The following UNC5D variants were observed in gnomAD, a reference collection of about 807,000 sequenced individuals.
UNC5D encodes the protein netrin receptor UNC5D.
UNC5D carries 39 observed loss-of-function variants against 105.4 expected under a neutral mutation model. The observed-to-expected ratio is 0.37, with a 90% confidence interval of 0.29 to 0.48. The LOEUF (loss-of-function observed/expected upper bound fraction) is 0.48. Ranked by LOEUF, UNC5D falls within the 20% of genes least tolerant of loss-of-function variation. The pLI is 0.98. For synonymous variants in UNC5D, 452 were observed against 450.4 expected (o/e 1.00, Z -0.04); for missense variants, 991 against 1,202.4 (o/e 0.82, Z 2.60).
At chr8:35,495,178 G>A (rs1811469413) in intron 1 of UNC5D, among the ~76,000 whole-genome samples, 1 of 152,124 alleles carries the variant, frequency 6.6e-6, no homozygotes, top group Non-Finnish European at 1.5e-5. Context: ...GAGAGAGACC[G>A]AGGACTCCGT....
In UNC5D at chr8:35,237,951, C is replaced by T. The variant is rs997623734; in HGVS notation, c.103+2064C>T. On this transcript the variant is annotated intron_variant, in intron 1 of 16. Transcript: ENST00000404895. ...AAGTTCTCCCTTCCCAGAAAGGTGT[C>T]CATTCATTAAAACCAAGATAAGATG... 5.3e-5 allele frequency among the ~76,000 whole-genome samples: 8 copies of T among 152,120 alleles called. 1 individual carries two copies. The highest frequency in any genetic ancestry group is 2.1e-4 in the South Asian group (1 of 4,826).
chr8:35,735,990 ATC>A (rs1201265200), intron 11 of UNC5D, among the ~76,000 whole-genome samples: 5 of 152,150 alleles, frequency 3.3e-5, no homozygotes, highest in Non-Finnish European at 7.3e-5. Flanking sequence ...TATGATATGA[ATC>A]TGTTTGTAGT....
chr8:35,354,650 G>C (rs2128912713), intron 1 of UNC5D, among the ~76,000 whole-genome samples: 1 of 152,218 alleles, frequency 6.6e-6, no homozygotes, highest in South Asian at 2.1e-4. Context: ...CTCTAAAAAA[G>C]TGGCCTGGTT....
chr8:35,314,521 T>G (rs1809136004), intron 1 of UNC5D, among the ~76,000 whole-genome samples: 1 of 152,016 alleles, frequency 6.6e-6, no homozygotes, highest in Non-Finnish European at 1.5e-5. Flanking sequence ...GAAAAGCAAT[T>G]AGTAGGAATA....
intron 1 of UNC5D, among the ~76,000 whole-genome samples, chr8:35,268,730 C>T (rs1805063957): frequency 1.3e-5 from 2 of 152,022 alleles, no homozygotes; most frequent in South Asian, 4.2e-4. Context: ...AAATATATTG[C>T]TTATTAACTC....
chr8:35,396,592 G>A (rs1804116642), intron 1 of UNC5D, among the ~76,000 whole-genome samples: 2 of 152,148 alleles, frequency 1.3e-5, no homozygotes, highest in South Asian at 4.2e-4. Flanking sequence ...GTGTCTCCTG[G>A]GTTCAAGTGA....
At chr8:35,301,068 AG>A (rs1293417273) in intron 1 of UNC5D, among the ~76,000 whole-genome samples, 4 of 152,210 alleles carry the variant, frequency 2.6e-5, no homozygotes, top group African/African-American at 9.6e-5. Flanking sequence ...CCTTGCTCGT[AG>A]ATCTTGGTTT....
chr8:35,655,003 A>T (rs981149580), intron 4 of UNC5D, among the ~76,000 whole-genome samples: 1 of 152,194 alleles, frequency 6.6e-6, no homozygotes, highest in Non-Finnish European at 1.5e-5. Flanking sequence ...TACAGAATGT[A>T]CTAGGACATT....
chr8:35,470,601 CA>C (rs143876201), intron 1 of UNC5D, among the ~76,000 whole-genome samples: 5,324 of 119,738 alleles, frequency 0.044, 224 homozygotes, highest in African/African-American at 0.13. Context: ...ACAAAAAATG[CA>C]AAAAAAAAAA....
intron 3 of UNC5D, among the ~76,000 whole-genome samples, chr8:35,586,420 T>C (rs1008893272): frequency 1.3e-5 from 2 of 151,988 alleles, no homozygotes; most frequent in African/African-American, 4.8e-5. Context: ...TTATGTGCCT[T>C]CCCTCGGGAA....
chr8:35,614,110 T>C (rs767158882), intron 4 of UNC5D, among the ~76,000 whole-genome samples: 2 of 152,198 alleles, frequency 1.3e-5, no homozygotes, highest in Non-Finnish European at 1.5e-5. Context: ...TTGCCTGCTG[T>C]TTTAATAATT....
intron 3 of UNC5D, among the ~76,000 whole-genome samples, chr8:35,575,591 G>T (rs999833883): frequency 1.3e-5 from 2 of 152,086 alleles, no homozygotes; most frequent in Non-Finnish European, 2.9e-5. Context: ...TACCTCCACT[G>T]CTCCCTTCCT....
At chr8:35,441,085 G>C (rs1409658415) in intron 1 of UNC5D, among the ~76,000 whole-genome samples, 1 of 151,888 alleles carries the variant, frequency 6.6e-6, no homozygotes, top group Non-Finnish European at 1.5e-5. Flanking sequence ...TGAACATTTG[G>C]TTTTCTTATA....
At chr8:35,738,139 T>C (rs1829569910) in intron 11 of UNC5D, among the ~76,000 whole-genome samples, 1 of 152,020 alleles carries the variant, frequency 6.6e-6, no homozygotes. Context: ...TTCTCAGAAA[T>C]GACATAGCAT....
At chr8:35,585,272 C>T (rs758600718) in intron 3 of UNC5D, among the ~76,000 whole-genome samples, 2 of 152,140 alleles carry the variant, frequency 1.3e-5, no homozygotes, top group East Asian at 1.9e-4. Flanking sequence ...CTAGAAACAG[C>T]CTTGAGGAGC....
intron 1 of UNC5D, among the ~76,000 whole-genome samples, chr8:35,420,384 G>T (rs547239787): frequency 7.2e-5 from 11 of 152,106 alleles, no homozygotes; most frequent in African/African-American, 1.2e-4. Flanking sequence ...TGAACACAGC[G>T]TTTTCTCTTC....
intron 4 of UNC5D, among the ~76,000 whole-genome samples, chr8:35,664,436 T>G (rs1824301401): frequency 6.6e-6 from 1 of 152,186 alleles, no homozygotes; most frequent in Admixed American, 6.5e-5. Context: ...AATGCAGTGG[T>G]GCAATCACGG....
At chr8:35,619,109 G>A (rs944452244) in intron 4 of UNC5D, among the ~76,000 whole-genome samples, 3 of 152,112 alleles carry the variant, frequency 2.0e-5, no homozygotes, top group African/African-American at 2.4e-5. Flanking sequence ...ACAAGCTCAA[G>A]CATCCAACAA....
At chr8:35,401,095 C>T (rs980529987) in intron 1 of UNC5D, among the ~76,000 whole-genome samples, 4 of 151,958 alleles carry the variant, frequency 2.6e-5, no homozygotes, top group Admixed American at 2.6e-4. Context: ...AGTCCTCTTA[C>T]AAAAGAAGGT....
Sources: allele counts gnomAD v4.1 joint callset (sites outside exome capture counted in the v4.1 genomes callset), GRCh38; gene constraint gnomAD v4.1.1; transcripts MANE v1.5; gene names NCBI Gene and HGNC (gene_info 2026-07-23, HGNC 2026-07-21).